The following DPYD variants were observed in gnomAD, a reference collection of about 807,000 sequenced individuals.
DPYD encodes dihydropyrimidine dehydrogenase [NADP(+)].
DPYD carries 109 observed loss-of-function variants against 116.2 expected under a neutral mutation model. That is an observed-to-expected ratio of 0.94 (90% CI 0.80 to 1.10). The LOEUF (loss-of-function observed/expected upper bound fraction) is 1.10, where lower values mean the gene tolerates loss of function less well. Ranked by LOEUF, DPYD falls within the 50% of genes least tolerant of loss-of-function variation. DPYD has a pLI of 0.00. For synonymous variants in DPYD, 440 were observed against 432.0 expected, an observed-to-expected ratio of 1.02 and a Z score of -0.23; for missense variants, 1,302 against 1,254.5, an observed-to-expected ratio of 1.04 and a Z score of -0.57.
chr1:97,583,093 C>T (rs1004951499), intron 10 of DPYD, among the ~76,000 whole-genome samples: 20 of 152,102 alleles, frequency 1.3e-4, no homozygotes, highest in Admixed American at 2.6e-4. Flanking sequence ...CTCAGCCTCC[C>T]GAGTAGCTGG....
chr1:97,658,219 A>C (rs765804887), intron 8 of DPYD, among the ~76,000 whole-genome samples: 1 of 152,146 alleles, frequency 6.6e-6, no homozygotes, highest in Non-Finnish European at 1.5e-5. Context: ...CTGCATATCT[A>C]AATATATATT....
In DPYD at chr1:97,898,365, T is replaced by C. The variant is rs1673186914; in HGVS notation, c.40-14991A>G. 2.6e-5 allele frequency among the ~76,000 whole-genome samples: 4 copies of C among 151,846 alleles called. No homozygotes were observed. In the South Asian group the frequency reaches 8.3e-4, roughly 31 times the overall value. On this transcript the variant is annotated intron_variant, in intron 1 of 22. Coordinates refer to ENST00000370192, the MANE Select transcript of DPYD (RefSeq NM_000110.4). ...CAAACTCTAGCTTCCTTGGTCTCCC[T>C]AGACTTTCAGCTCTGTCTCTCCAAT...
At chr1:97,420,338 A>C (rs1433252519) in intron 14 of DPYD, among the ~76,000 whole-genome samples, 1 of 152,114 alleles carries the variant, frequency 6.6e-6, no homozygotes, top group Non-Finnish European at 1.5e-5. Flanking sequence ...AACACTTCGT[A>C]ATTTTCTGGG....
chr1:97,682,042 G>C (rs902819569), intron 7 of DPYD, among the ~76,000 whole-genome samples: 1 of 152,084 alleles, frequency 6.6e-6, no homozygotes, highest in Admixed American at 6.6e-5. Flanking sequence ...GTAGCTTTTT[G>C]TGATTTATCA....
At chr1:97,127,347 G>T (rs1050946034) in intron 20 of DPYD, among the ~76,000 whole-genome samples, 1 of 152,116 alleles carries the variant, frequency 6.6e-6, no homozygotes, top group African/African-American at 2.4e-5. Flanking sequence ...TCCAGGTAGG[G>T]GAGGGTCTTG....
At chr1:97,691,537 G>A in intron 7 of DPYD, 180 bp downstream of exon 7, 1 of 567,538 alleles carries the variant, frequency 1.8e-6, no homozygotes, top group Non-Finnish European at 3.2e-6. Context: ...TTCCAGGCTA[G>A]TGGCATTCAG....
intron 13 of DPYD, among the ~76,000 whole-genome samples, chr1:97,493,190 T>C (rs1679064704): frequency 6.6e-6 from 1 of 152,206 alleles, no homozygotes. Flanking sequence ...TTATAGTAAA[T>C]ATGAATACAG....
At chr1:97,110,468 T>C (rs756977790) in intron 20 of DPYD, among the ~76,000 whole-genome samples, 1 of 152,110 alleles carries the variant, frequency 6.6e-6, no homozygotes, top group Non-Finnish European at 1.5e-5. Flanking sequence ...AATTTGCTTC[T>C]GTCATTTTTA....
intron 3 of DPYD, among the ~76,000 whole-genome samples, chr1:97,763,487 T>C (rs1404977326): frequency 3.3e-5 from 5 of 151,978 alleles, no homozygotes; most frequent in Non-Finnish European, 7.4e-5. Context: ...CAATCTACCT[T>C]CATTGTGTCC....
intron 14 of DPYD, among the ~76,000 whole-genome samples, chr1:97,441,696 T>G (rs950123676): frequency 6.6e-6 from 1 of 152,212 alleles, no homozygotes; most frequent in African/African-American, 2.4e-5. Context: ...TATAATGGCT[T>G]ATGTTTTTCT....
intron 2 of DPYD, among the ~76,000 whole-genome samples, chr1:97,865,486 T>C (rs555061206): frequency 6.6e-6 from 1 of 152,084 alleles, no homozygotes; most frequent in South Asian, 2.1e-4. Flanking sequence ...TACCATAGAC[T>C]TTCCATCTAC....
upstream of DPYD, chr1:97,921,050 G>T: frequency 8.4e-7 from 1 of 1,196,224 alleles, no homozygotes; most frequent in Non-Finnish European, 1.2e-6. Flanking sequence ...CGGCGGCGCG[G>T]GGGCGGAGCG....
intron 18 of DPYD, among the ~76,000 whole-genome samples, chr1:97,238,322 A>T (rs1662093587): frequency 6.6e-6 from 1 of 152,154 alleles, no homozygotes; most frequent in Non-Finnish European, 1.5e-5. Flanking sequence ...TTTCCATTAT[A>T]AACCCAGTTT....
chr1:97,707,945 G>A (rs1662074486), intron 5 of DPYD, among the ~76,000 whole-genome samples: 1 of 152,020 alleles, frequency 6.6e-6, no homozygotes, highest in Non-Finnish European at 1.5e-5. Flanking sequence ...CTCCCAGCCT[G>A]TGGCTTGTCT....
At chr1:97,539,319 T>A (rs1570925792) in intron 12 of DPYD, among the ~76,000 whole-genome samples, 2 of 152,168 alleles carry the variant, frequency 1.3e-5, no homozygotes, top group Non-Finnish European at 1.5e-5. Context: ...CCCCTAAATG[T>A]TTGATTTTCA....
chr1:97,735,914 A>G (rs1464228640), intron 4 of DPYD, among the ~76,000 whole-genome samples: 1 of 151,916 alleles, frequency 6.6e-6, no homozygotes, highest in Non-Finnish European at 1.5e-5. Context: ...ATTATCTATA[A>G]TAAAACCCCC....
At chr1:97,668,018 G>T (rs188515869) in intron 8 of DPYD, among the ~76,000 whole-genome samples, 70 of 152,120 alleles carry the variant, frequency 4.6e-4, no homozygotes, top group African/African-American at 1.6e-3. Context: ...CAAATTCATA[G>T]ATTTGTTGCT....
chr1:97,162,077 G>A (rs1485861357), intron 20 of DPYD, among the ~76,000 whole-genome samples: 2 of 151,848 alleles, frequency 1.3e-5, no homozygotes, highest in Non-Finnish European at 2.9e-5. Flanking sequence ...AGTCCTTTGG[G>A]TATATACCCA....
chr1:97,698,799 A>G (rs1316602478), intron 6 of DPYD, among the ~76,000 whole-genome samples: 1 of 151,934 alleles, frequency 6.6e-6, no homozygotes, highest in African/African-American at 2.4e-5. Flanking sequence ...TTCAATATAT[A>G]TTCCCATTTC....
Sources: gnomAD v4.1 joint callset for allele counts (sites outside exome capture counted in the v4.1 genomes callset) on GRCh38, gnomAD v4.1.1 for gene constraint, MANE v1.5 for transcripts, NCBI Gene and HGNC (gene_info 2026-07-23, HGNC 2026-07-21) for gene names.